The following NBAS variants were observed in gnomAD, a reference collection of about 807,000 sequenced individuals.
NBAS encodes NBAS subunit of NRZ tethering complex, also known as NAG/BC035112 fusion.
A neutral mutation model predicts 302.5 loss-of-function variants in NBAS; 219 were observed. The observed-to-expected ratio is 0.72, with a 90% CI of 0.65 to 0.81. The LOEUF (loss-of-function observed/expected upper bound fraction) is 0.81, where lower values mean the gene tolerates loss of function less well. Ranked by LOEUF, NBAS falls within the 30% of genes least tolerant of loss-of-function variation. NBAS has a pLI of 0.00. For missense variants in NBAS, 2,932 were observed against 2,841.6 expected (o/e 1.03, Z -0.72); for synonymous variants, 1,118 against 1,021.6 (o/e 1.09, Z -1.80).
chr2:15,009,360 C>T, the NBAS span, among the ~76,000 whole-genome samples: 1 of 151,674 alleles, frequency 6.6e-6, no homozygotes, highest in Admixed American at 6.6e-5. Flanking sequence ...TGTAAATACC[C>T]ATTAGAAAAA....
At position 15,179,016 on chromosome 2, in the gene NBAS, G is replaced by A. The variant is rs754440707; in HGVS notation, c.6812C>T (p.Ala2271Val). 1.4e-5 allele frequency: 22 copies of A among 1,613,938 alleles called. No individual in the cohort carries two copies. The East Asian group carries it at 4.9e-4, about 36-fold the overall frequency. Residue 2271 changes from alanine to valine, a missense_variant, in exon 51 of 52, where the codon GCA becomes GTA. Coordinates refer to ENST00000281513, the MANE Select transcript of NBAS (RefSeq NM_015909.4). ...AGTGACTGCCGTGATTTGCTCCAGT[G>A]CCATCTCGTGCAGATGCTCATCTCG... is the stretch of plus-strand genomic sequence containing the variant. ...ESRDEHLHEM[A>V]LEQITAVTTV...
chr2:15,157,857 C>G, the NBAS span, among the ~76,000 whole-genome samples: 1 of 152,222 alleles, frequency 6.6e-6, no homozygotes, highest in Non-Finnish European at 1.5e-5. Context: ...TCCCTTGCCT[C>G]TGTGTCCTCC....
chr2:15,121,563 A>C, the NBAS span, among the ~76,000 whole-genome samples: 2 of 152,338 alleles, frequency 1.3e-5, no homozygotes, highest in South Asian at 2.1e-4. Flanking sequence ...ATGGGGAAAA[A>C]AAATTACATC....
intron 38 of NBAS, among the ~76,000 whole-genome samples, chr2:15,311,636 T>G (rs1027804306): frequency 2.0e-5 from 3 of 152,228 alleles, no homozygotes; most frequent in African/African-American, 7.2e-5. Flanking sequence ...ATAGTCACAC[T>G]TGATGAGCTG....
intron 19 of NBAS, among the ~76,000 whole-genome samples, chr2:15,463,788 C>CAAAAAAAAAAAAAA (rs55808465): frequency 8.7e-5 from 8 of 91,632 alleles, no homozygotes; most frequent in African/African-American, 1.7e-4. Flanking sequence ...GAACCAAATG[C>CAAAAAAAAAAAAAA]AAAAAAAAAA....
intron 21 of NBAS, among the ~76,000 whole-genome samples, chr2:15,460,939 A>G (rs1679477991): frequency 6.6e-6 from 1 of 152,196 alleles, no homozygotes; most frequent in Non-Finnish European, 1.5e-5. Context: ...TAAACCAGAA[A>G]ACAGTACATA....
At chr2:15,482,701 T>A (rs201307919) in intron 12 of NBAS, among the ~76,000 whole-genome samples, 2 of 138,522 alleles carry the variant, frequency 1.4e-5, no homozygotes, top group Admixed American at 7.2e-5. Flanking sequence ...TTTTTTTTTT[T>A]AAACAAAGTC....
downstream of NBAS, chr2:15,166,781 T>C (rs1664038089): frequency 2.4e-6 from 1 of 408,480 alleles, no homozygotes; most frequent in Admixed American, 4.1e-5. Context: ...CATTATAAAC[T>C]GAATTCTATC....
In NBAS at chr2:15,281,940, T is replaced by C. The variant is rs913477276; in HGVS notation, c.5139-4839A>G. Among the ~76,000 whole-genome samples, 3 of 152,266 alleles carry C rather than the reference T, an allele frequency of 2.0e-5. No individual in the cohort carries two copies. In the South Asian group the frequency reaches 6.2e-4, roughly 32 times the overall value. On this transcript the variant is annotated intron_variant, in intron 42 of 51. Coordinates refer to ENST00000281513, the MANE Select transcript of NBAS (RefSeq NM_015909.4). Reference sequence around the variant, plus strand: ...TAATGGCAGTAATCAGTATTTCTGGTTTTTAGGATTTCTAGATTTCTTCTT... The same window carrying C: ...TAATGGCAGTAATCAGTATTTCTGGCTTTTAGGATTTCTAGATTTCTTCTT...
At chr2:15,415,973 A>G (rs1018627391) in intron 24 of NBAS, among the ~76,000 whole-genome samples, 4 of 152,188 alleles carry the variant, frequency 2.6e-5, no homozygotes, top group Non-Finnish European at 4.4e-5. Flanking sequence ...TCTTTACATC[A>G]TAAGCAATAT....
chr2:15,062,584 C>T, the NBAS span, among the ~76,000 whole-genome samples: 7 of 152,252 alleles, frequency 4.6e-5, no homozygotes. Context: ...GAGGAACCAG[C>T]ATATTAGAGC....
At chr2:15,006,145 A>G in the NBAS span, among the ~76,000 whole-genome samples, 1 of 152,248 alleles carries the variant, frequency 6.6e-6, no homozygotes, top group South Asian at 2.1e-4. Flanking sequence ...AAATTAGCAG[A>G]GTTCAAAAGT....
chr2:15,054,052 G>A, the NBAS span, among the ~76,000 whole-genome samples: 3 of 152,122 alleles, frequency 2.0e-5, no homozygotes, highest in African/African-American at 7.2e-5. Flanking sequence ...TGTCATGGAG[G>A]TCAACAATCC....
chr2:14,797,791 C>T, the NBAS span, among the ~76,000 whole-genome samples: 1 of 152,044 alleles, frequency 6.6e-6, no homozygotes, highest in Non-Finnish European at 1.5e-5. Context: ...AGCAGCCAGC[C>T]TGGAGCCGAG....
intron 44 of NBAS, among the ~76,000 whole-genome samples, chr2:15,252,265 G>A (rs755705641): frequency 7.2e-5 from 11 of 152,148 alleles, no homozygotes; most frequent in Non-Finnish European, 1.3e-4. Context: ...TTGGGAGGCC[G>A]AGGCGGTTGG....
chr2:15,302,872 C>G (rs1012878286), intron 40 of NBAS, among the ~76,000 whole-genome samples: 8 of 152,166 alleles, frequency 5.3e-5, no homozygotes, highest in Admixed American at 2.6e-4. Flanking sequence ...AGCCAACTGG[C>G]CAAGTCTTCC....
At chr2:15,246,297 G>T (rs779057767) in intron 44 of NBAS, among the ~76,000 whole-genome samples, 11 of 152,168 alleles carry the variant, frequency 7.2e-5, no homozygotes, top group Non-Finnish European at 1.6e-4. Flanking sequence ...CTATATCAAA[G>T]AATATTGCAT....
intron 9 of NBAS, among the ~76,000 whole-genome samples, chr2:15,527,403 A>G (rs990046371): frequency 6.6e-6 from 1 of 152,234 alleles, no homozygotes; most frequent in African/African-American, 2.4e-5. Flanking sequence ...TGAAGAACAG[A>G]AACCTATTTT....
chr2:15,542,756 G>A (rs1663912913), intron 6 of NBAS, among the ~76,000 whole-genome samples: 1 of 152,148 alleles, frequency 6.6e-6, no homozygotes, highest in Non-Finnish European at 1.5e-5. Flanking sequence ...CCAGCAAGAT[G>A]ACAATTTTCC....
Sources: gnomAD v4.1 joint callset for allele counts (sites outside exome capture counted in the v4.1 genomes callset) on GRCh38, gnomAD v4.1.1 for gene constraint, MANE v1.5 for transcripts, NCBI Gene and HGNC (gene_info 2026-07-23, HGNC 2026-07-21) for gene names.